The following ADGRV1 variants were observed in gnomAD, a reference collection of about 807,000 sequenced individuals.
ADGRV1 encodes G-protein coupled receptor 98.
A neutral mutation model predicts 596.2 loss-of-function variants in ADGRV1; 359 were observed. That is an observed-to-expected ratio of 0.60 (90% CI 0.55 to 0.66). ADGRV1 has a LOEUF of 0.66. Ranked by LOEUF, ADGRV1 falls within the 30% of genes least tolerant of loss-of-function variation. The probability of loss-of-function intolerance (pLI) is 0.00; values close to 1 mark genes in which losing one functional copy is unlikely to be tolerated. For synonymous variants in ADGRV1, 2,681 were observed against 2,679.2 expected (o/e 1.00, Z -0.02); for missense variants, 7,274 against 7,575.6 (o/e 0.96, Z 1.48).
chr5:91,090,697 G>T (rs10068613), intron 86 of ADGRV1, among the ~76,000 whole-genome samples: 10,519 of 151,840 alleles, frequency 0.069, 483 homozygotes, highest in East Asian at 0.13. Context: ...AAGGGTCAGG[G>T]TAAATCCATG....
intron 83 of ADGRV1, among the ~76,000 whole-genome samples, chr5:90,877,435 A>C (rs1482099980): frequency 6.6e-6 from 1 of 152,190 alleles, no homozygotes; most frequent in African/African-American, 2.4e-5. Context: ...TTTGGGTTCC[A>C]CAGATACATT....
At chr5:91,008,361 T>C (rs1782455110) in intron 85 of ADGRV1, among the ~76,000 whole-genome samples, 1 of 152,170 alleles carries the variant, frequency 6.6e-6, no homozygotes, top group Non-Finnish European at 1.5e-5. Context: ...TACGGCACAC[T>C]ATTCTGGGGC....
intron 89 of ADGRV1, among the ~76,000 whole-genome samples, 166 bp from the exon 90 acceptor site, chr5:91,163,616 G>T (rs963983202): frequency 1.3e-5 from 2 of 152,160 alleles, no homozygotes; most frequent in African/African-American, 4.8e-5. Context: ...AAATGTAAAA[G>T]ATAGTTTCAT....
At chr5:90,597,497 C>T (rs1379942257) in intron 1 of ADGRV1, among the ~76,000 whole-genome samples, 1 of 152,170 alleles carries the variant, frequency 6.6e-6, no homozygotes, top group African/African-American at 2.4e-5. Context: ...GCATAGACCA[C>T]ACTGGGGAAT....
intron 78 of ADGRV1, among the ~76,000 whole-genome samples, chr5:90,841,219 T>G (rs1581282080): frequency 6.6e-6 from 1 of 152,198 alleles, no homozygotes; most frequent in South Asian, 2.1e-4. Flanking sequence ...CCTAGTGCAG[T>G]AGTAAAGACA....
intron 83 of ADGRV1, among the ~76,000 whole-genome samples, chr5:90,939,424 C>A (rs755633254): frequency 6.6e-6 from 1 of 152,118 alleles, no homozygotes; most frequent in Non-Finnish European, 1.5e-5. Context: ...AATACCAGCG[C>A]CTAACAGATG....
intron 75 of ADGRV1, chr5:90,821,929 T>A (rs1763562497): frequency 6.5e-6 from 1 of 152,896 alleles, no homozygotes; most frequent in Admixed American, 6.5e-5. Context: ...CTCCTTGAGC[T>A]GTGGTGGGCT....
chr5:90,959,898 G>T (rs1330878682), intron 83 of ADGRV1, among the ~76,000 whole-genome samples: 2 of 152,162 alleles, frequency 1.3e-5, no homozygotes, highest in Admixed American at 1.3e-4. Context: ...CCAGCACTTT[G>T]GGAGGCTAAG....
chr5:90,931,479 C>A (rs2150806988), intron 83 of ADGRV1, among the ~76,000 whole-genome samples: 1 of 152,292 alleles, frequency 6.6e-6, no homozygotes, highest in East Asian at 1.9e-4. Context: ...TAGTTCAGTT[C>A]TCCTAGTGAT....
intron 16 of ADGRV1, 36 bp downstream of exon 16, chr5:90,646,127 T>A (rs1403578157): frequency 6.7e-7 from 1 of 1,481,566 alleles, no homozygotes; most frequent in Admixed American, 2.2e-5. Context: ...AGTTTACATA[T>A]TTCTTAAATA....
Position 90,716,497 on chromosome 5 carries a change from G to T in ADGRV1, c.9215G>T (p.Gly3072Val), listed in dbSNP as rs2149743650. The T allele has an allele frequency of 1.2e-6, 2 of 1,603,232 alleles. No homozygotes were observed. The highest frequency in any genetic ancestry group is 4.5e-5 in the East Asian group (2 of 44,754). ...ALIIVLANDD[G>V]PGVLSFNNSE... ...ATTATTGTCCTTGCTAATGATGACG[G>T]CCCTGGAGTTCTATCATTTAACAAC... is the stretch of plus-strand genomic sequence containing the variant. The change falls in exon 43 of 90, where the codon GGC (glycine) becomes GTC (valine). Residue 3072 changes from glycine (G) to valine (V), a missense_variant. Around this residue, in one of 5 missense-constraint regions of ADGRV1, gnomAD observed 3,643 missense variants for 3,809.2 expected, o/e 0.96. Transcript: ENST00000405460.
At chr5:90,895,831 A>G (rs1771258529) in intron 83 of ADGRV1, among the ~76,000 whole-genome samples, 1 of 152,338 alleles carries the variant, frequency 6.6e-6, no homozygotes, top group South Asian at 2.1e-4. Flanking sequence ...GCAAGCAGTC[A>G]GGAGTAGCTT....
chr5:90,962,926 A>G (rs1437135554), intron 83 of ADGRV1, among the ~76,000 whole-genome samples: 2 of 152,210 alleles, frequency 1.3e-5, no homozygotes, highest in Non-Finnish European at 2.9e-5. Context: ...TACTGATTTA[A>G]TTGCTTCAAA....
At chr5:90,845,409 A>G (rs1370814411) in intron 78 of ADGRV1, among the ~76,000 whole-genome samples, 3 of 152,168 alleles carry the variant, frequency 2.0e-5, no homozygotes, top group Non-Finnish European at 4.4e-5. Context: ...TTACTAAAAG[A>G]AACTTTGTTT....
chr5:90,712,703 A>G (rs1055318593), intron 42 of ADGRV1, among the ~76,000 whole-genome samples: 1 of 152,110 alleles, frequency 6.6e-6, no homozygotes, highest in African/African-American at 2.4e-5. Context: ...TAATTTGTAG[A>G]TGTCTTTCCT....
intron 72 of ADGRV1, among the ~76,000 whole-genome samples, chr5:90,807,163 A>G (rs1262850240): frequency 6.6e-6 from 1 of 152,130 alleles, no homozygotes; most frequent in African/African-American, 2.4e-5. Flanking sequence ...GACTAGATTT[A>G]ATAGTTGTTA....
intron 9 of ADGRV1, among the ~76,000 whole-genome samples, chr5:90,631,273 TG>T (rs1765462020): frequency 6.6e-6 from 1 of 152,210 alleles, no homozygotes; most frequent in Admixed American, 6.5e-5. Flanking sequence ...TTCTGAATTT[TG>T]TAAGACTGTG....
At position 90,574,522 on chromosome 5, in the gene ADGRV1, T is replaced by C. The variant is rs567304291; in HGVS notation, c.22+15605T>C. On this transcript the variant is annotated intron_variant, in intron 1 of 89. Transcript: ENST00000405460. ...TTGTATCCTGAAAGTTTACTAAAAT[T>C]GTTTATCAATTCTAGGAGCCTTTTT... Among the ~76,000 whole-genome samples, 201 of 152,294 alleles carry C rather than the reference T, an allele frequency of 1.3e-3. 1 individual carries two copies. The highest frequency in any genetic ancestry group is 4.6e-3 in the African/African-American group (192 of 41,560).
intron 1 of ADGRV1, among the ~76,000 whole-genome samples, chr5:90,593,118 A>T (rs1473280060): frequency 6.6e-6 from 1 of 152,186 alleles, no homozygotes; most frequent in East Asian, 1.9e-4. Flanking sequence ...AAAGGATTAT[A>T]AAAAATCATG....
Sources: gnomAD v4.1 joint callset for allele counts (sites outside exome capture counted in the v4.1 genomes callset) on GRCh38, gnomAD v4.1.1 for gene constraint, gnomAD v4.1.1 regional missense constraint, MANE v1.5 for transcripts, NCBI Gene and HGNC (gene_info 2026-07-23, HGNC 2026-07-21) for gene names.